Variants in PLPPR1 observed in about 807,000 individuals in gnomAD.
The protein encoded by PLPPR1 is phospholipid phosphatase related 1, also known as phospholipid phosphatase-related protein type 1.
A neutral mutation model predicts 33.1 loss-of-function variants in PLPPR1; 10 were observed. The ratio of observed to expected loss-of-function variants is 0.30; its 90% CI spans 0.19 to 0.51. The LOEUF is 0.51. Ranked by LOEUF, PLPPR1 falls within the 20% of genes least tolerant of loss-of-function variation. PLPPR1 has a pLI of 0.97. For missense variants in PLPPR1, 304 were observed against 408.1 expected (o/e 0.74, Z 2.20); for synonymous variants, 151 against 151.0 (o/e 1.00, Z 0.00).
chr9:101,288,298 G>T (rs778400552), intron 4 of PLPPR1, among the ~76,000 whole-genome samples: 2 of 152,150 alleles, frequency 1.3e-5, no homozygotes, highest in Non-Finnish European at 2.9e-5. Context: ...GTAGAAATTT[G>T]TCACGCTGGA....
chr9:101,194,670 G>A (rs1020730457), intron 2 of PLPPR1, among the ~76,000 whole-genome samples: 12 of 151,030 alleles, frequency 7.9e-5, no homozygotes, highest in African/African-American at 2.9e-4. Flanking sequence ...AGAATCGCTT[G>A]AACCCGGGAG....
At chr9:101,211,450 C>G (rs1385911046) in intron 2 of PLPPR1, among the ~76,000 whole-genome samples, 2 of 152,156 alleles carry the variant, frequency 1.3e-5, no homozygotes, top group African/African-American at 4.8e-5. Context: ...TATCTAAGAC[C>G]ACACAGTCCC....
intron 2 of PLPPR1, among the ~76,000 whole-genome samples, chr9:101,202,116 C>A (rs12685239): frequency 6.6e-6 from 1 of 152,104 alleles, no homozygotes; most frequent in South Asian, 2.1e-4. Flanking sequence ...CAAGAAGTTG[C>A]ATGAAATTTT....
intron 2 of PLPPR1, among the ~76,000 whole-genome samples, chr9:101,197,780 G>GTGTA (rs755067362): frequency 1.2e-4 from 19 of 152,202 alleles, no homozygotes; most frequent in Non-Finnish European, 2.5e-4. Context: ...TTATTGATGT[G>GTGTA]TGTAGTATGA....
intron 1 of PLPPR1, among the ~76,000 whole-genome samples, chr9:101,072,731 G>A (rs974971460): frequency 3.3e-5 from 5 of 152,140 alleles, no homozygotes; most frequent in African/African-American, 1.2e-4. Context: ...ATATGCCATG[G>A]AAAACATATG....
At chr9:101,195,374 A>G (rs1003788979) in intron 2 of PLPPR1, among the ~76,000 whole-genome samples, 1 of 152,020 alleles carries the variant, frequency 6.6e-6, no homozygotes, top group African/African-American at 2.4e-5. Context: ...CTGAAAAGTA[A>G]GTCCCAAATC....
chr9:101,233,623 G>C (rs1827235037), intron 2 of PLPPR1, among the ~76,000 whole-genome samples: 1 of 151,888 alleles, frequency 6.6e-6, no homozygotes, highest in Non-Finnish European at 1.5e-5. Context: ...GACAAACTTG[G>C]CCCTCTCTTG....
chr9:101,253,275 T>G (rs748836809), intron 2 of PLPPR1, among the ~76,000 whole-genome samples: 18 of 151,852 alleles, frequency 1.2e-4, no homozygotes, highest in Non-Finnish European at 2.4e-4. Context: ...TGGCCAGGCA[T>G]GGTGGTTCAT....
At chr9:101,248,778 G>A (rs1490431390) in intron 2 of PLPPR1, among the ~76,000 whole-genome samples, 1 of 152,012 alleles carries the variant, frequency 6.6e-6, no homozygotes, top group East Asian at 1.9e-4. Context: ...TGTATCTGCT[G>A]TGTGTCTGCT....
chr9:101,098,426 C>T (rs560365120), intron 1 of PLPPR1, among the ~76,000 whole-genome samples: 6 of 152,086 alleles, frequency 3.9e-5, no homozygotes, highest in Admixed American at 3.9e-4. Flanking sequence ...AGGTTGCATA[C>T]CCCTTCTAGG....
intron 1 of PLPPR1, among the ~76,000 whole-genome samples, chr9:101,079,626 C>A (rs1830593364): frequency 6.6e-6 from 1 of 150,666 alleles, no homozygotes; most frequent in African/African-American, 2.4e-5. Context: ...TTCGCCCAGG[C>A]TGGAGTGCAG....
At chr9:101,274,020 C>T (rs972456914) in intron 3 of PLPPR1, among the ~76,000 whole-genome samples, 1 of 152,178 alleles carries the variant, frequency 6.6e-6, no homozygotes, top group Non-Finnish European at 1.5e-5. Flanking sequence ...CTTATCTCTT[C>T]CATTAATTCA....
At position 101,324,645 on chromosome 9, in the gene PLPPR1, A is replaced by G. The variant is rs1791029386; in HGVS notation, c.*588A>G. 1 of 152,358 alleles carries G rather than the reference A, an allele frequency of 6.6e-6. No individual in the cohort carries two copies. The highest frequency in any genetic ancestry group is 1.5e-5 in the Non-Finnish European group (1 of 68,086). 9.4% of individuals were successfully genotyped at this position (152,358 alleles called of 1,614,324 possible). On this transcript the variant is annotated 3_prime_UTR_variant, in exon 8 of 8. Coordinates refer to ENST00000374874, the MANE Select transcript of PLPPR1 (RefSeq NM_207299.2). The stretch of plus-strand genomic sequence containing the variant: ...CTAGTTATACAAACAATTGTCAGAG[A>G]ATTCTGGATTTGGAGGGTATTGGGG...
At chr9:101,183,706 TGTGTGTGTGTGTGTGTG>T in intron 1 of PLPPR1, among the ~76,000 whole-genome samples, 1 of 9,840 alleles carries the variant, frequency 1.0e-4, no homozygotes, top group Non-Finnish European at 3.9e-4. Context: ...TGTGTGTGTG[TGTGTGTGTGTGTGTGTG>T]TGTAGCCATA....
intron 1 of PLPPR1, among the ~76,000 whole-genome samples, chr9:101,082,029 T>C (rs115670927): frequency 6.6e-6 from 1 of 152,348 alleles, no homozygotes; most frequent in African/African-American, 2.4e-5. Context: ...GAGTTGTCCC[T>C]GAGATCAAGT....
At chr9:101,253,950 T>C (rs1313960071) in intron 2 of PLPPR1, among the ~76,000 whole-genome samples, 1 of 152,146 alleles carries the variant, frequency 6.6e-6, no homozygotes, top group African/African-American at 2.4e-5. Flanking sequence ...CTTTCTCTGC[T>C]TCTTTTCTGT....
At chr9:101,167,497 A>G (rs4278208) in intron 1 of PLPPR1, among the ~76,000 whole-genome samples, 22,654 of 151,474 alleles carry the variant, frequency 0.15, 2,077 homozygotes, top group Non-Finnish European at 0.2. Context: ...TTCTCCTGCA[A>G]TTTGTTACTC....
chr9:101,082,128 G>A lies in PLPPR1; in HGVS notation c.-46+53026G>A, dbSNP rs1001338483. ...CGGGCAGTGCCTTAGAGACAACTGT[G>A]GAGGGGAATAAGGGGCTCTAGCTAT... On this transcript the variant is annotated intron_variant, in intron 1 of 7. Transcript: ENST00000374874. Among the ~76,000 whole-genome samples, 21 of 152,276 alleles carry A rather than the reference G, an allele frequency of 1.4e-4. 1 individual carries two copies. The East Asian group carries it at 3.9e-3, about 28-fold the overall frequency.
chr9:101,039,581 T>C lies in PLPPR1; in HGVS notation c.-46+10479T>C, dbSNP rs185276672. Among the ~76,000 whole-genome samples, 84 of 152,260 alleles carry C rather than the reference T, an allele frequency of 5.5e-4. 1 individual carries two copies. The highest frequency in any genetic ancestry group is 1.1e-3 in the Non-Finnish European group (72 of 68,018). ...CATTTTCACACTGCCGATAAAGACA[T>C]ACCTGAGACTGGGCAATTTACAAAG... On this transcript the variant is annotated intron_variant, in intron 1 of 7. Coordinates refer to ENST00000374874, the MANE Select transcript of PLPPR1 (RefSeq NM_207299.2).
Sources: allele counts gnomAD v4.1 joint callset (sites outside exome capture counted in the v4.1 genomes callset), GRCh38; gene constraint gnomAD v4.1.1; transcripts MANE v1.5; gene names NCBI Gene and HGNC (gene_info 2026-07-23, HGNC 2026-07-21).